Variants in CDC73 observed in about 807,000 individuals in gnomAD.
The protein encoded by CDC73 is cell division cycle 73.
Under a neutral mutation model 83.7 loss-of-function variants are expected in CDC73, and 21 were observed. The ratio of observed to expected loss-of-function variants is 0.25; its 90% CI spans 0.18 to 0.36. The LOEUF is 0.36. Among genes scored for constraint, CDC73 ranks in the 10% least tolerant of loss-of-function variants. The pLI is 1.00. For missense variants in CDC73, 342 were observed against 653.3 expected, an observed-to-expected ratio of 0.52 and a Z score of 5.19; for synonymous variants, 224 against 212.9, an observed-to-expected ratio of 1.05 and a Z score of -0.45.
chr1:193,188,185 G>A lies in CDC73; in HGVS notation c.973-15610G>A, dbSNP rs180698826. 1.5e-3 allele frequency among the ~76,000 whole-genome samples: 227 copies of A among 152,264 alleles called. 1 individual carries two copies. The highest frequency in any genetic ancestry group is 4.7e-3 in the African/African-American group (197 of 41,556). The stretch of plus-strand genomic sequence containing the variant: ...ATTGCGTGCTAAGCTTACTTGAGCT[G>A]TTATGCAAATGGCTCTTTTCTAATA... On this transcript the variant is annotated intron_variant, in intron 10 of 16. Coordinates refer to ENST00000367435, the MANE Select transcript of CDC73 (RefSeq NM_024529.5).
At chr1:193,129,453 A>G (rs1378685800) in intron 2 of CDC73, among the ~76,000 whole-genome samples, 1 of 149,600 alleles carries the variant, frequency 6.7e-6, no homozygotes, top group Admixed American at 6.7e-5. Context: ...TCTAATGATT[A>G]TTTTCTGTAT....
chr1:193,137,852 A>G (rs779861376), intron 5 of CDC73, among the ~76,000 whole-genome samples: 24 of 152,354 alleles, frequency 1.6e-4, no homozygotes, highest in Middle Eastern at 3.4e-3. Flanking sequence ...TAAAGAAAAA[A>G]GTAGCTAAGC....
chr1:193,133,058 C>T (rs1445849861), intron 3 of CDC73, among the ~76,000 whole-genome samples: 2 of 151,946 alleles, frequency 1.3e-5, no homozygotes, highest in Admixed American at 6.6e-5. Flanking sequence ...CCTGCCACCA[C>T]GCCTGGCTAA....
At chr1:193,149,117 TC>T (rs1009107475) in intron 8 of CDC73, among the ~76,000 whole-genome samples, 32 of 152,182 alleles carry the variant, frequency 2.1e-4, no homozygotes, top group African/African-American at 7.5e-4. Flanking sequence ...TTAAGTGCCT[TC>T]TATTAGGAAG....
intron 1 of CDC73, among the ~76,000 whole-genome samples, chr1:193,124,234 A>G (rs1297536664): frequency 6.6e-6 from 1 of 152,276 alleles, no homozygotes; most frequent in Non-Finnish European, 1.5e-5. Flanking sequence ...AAATATATAC[A>G]CATATAAAAC....
intron 3 of CDC73, among the ~76,000 whole-genome samples, chr1:193,132,472 A>G (rs1231858190): frequency 1.3e-5 from 2 of 152,130 alleles, no homozygotes; most frequent in African/African-American, 2.4e-5. Context: ...TGGGGAGGAT[A>G]GAAGAAACTT....
chr1:193,217,493 C>T (rs1257573791), intron 13 of CDC73, among the ~76,000 whole-genome samples: 1 of 152,078 alleles, frequency 6.6e-6, no homozygotes, highest in Non-Finnish European at 1.5e-5. Flanking sequence ...TGGCCAGACC[C>T]TGCGTCATTC....
chr1:193,196,702 T>A lies in CDC73; in HGVS notation c.973-7093T>A, dbSNP rs772203256. ...TTATTCCTAAGTATTTCATTCTTTT[T>A]AATGCTATTGTAAGTGGAATTGTTT... On this transcript the variant is annotated intron_variant, in intron 10 of 16. Transcript: ENST00000367435. 6.2e-4 allele frequency among the ~76,000 whole-genome samples: 95 copies of A among 152,338 alleles called. 1 individual carries two copies. Among genetic ancestry groups the A allele is most frequent in the Non-Finnish European group, 1.2e-3 (80 of 68,026 alleles).
At chr1:193,133,800 C>G (rs907743487) in intron 3 of CDC73, among the ~76,000 whole-genome samples, 1 of 152,020 alleles carries the variant, frequency 6.6e-6, no homozygotes, top group Non-Finnish European at 1.5e-5. Flanking sequence ...AGACCAAACA[C>G]TCTATGGATT....
intron 11 of CDC73, among the ~76,000 whole-genome samples, chr1:193,210,214 C>T (rs1236584931): frequency 2.6e-5 from 4 of 152,106 alleles, no homozygotes; most frequent in Non-Finnish European, 5.9e-5. Context: ...ACTACTGAAT[C>T]CTATGACAGT....
chr1:193,180,695 G>T (rs748304059), intron 10 of CDC73: 40 of 1,614,046 alleles, frequency 2.5e-5, no homozygotes, highest in Admixed American at 6.7e-5. Flanking sequence ...TCTTTGTTTC[G>T]ATTGGGTGCA....
At chr1:193,177,686 C>T (rs751479743) in intron 10 of CDC73, among the ~76,000 whole-genome samples, 1 of 152,144 alleles carries the variant, frequency 6.6e-6, no homozygotes, top group Non-Finnish European at 1.5e-5. Flanking sequence ...TGCTTTAACA[C>T]AGTACCAAGC....
chr1:193,236,181 A>G lies in CDC73; in HGVS notation c.1317-75A>G, dbSNP rs565209247. Reference sequence around the variant, plus strand: ...TATGGGACTGTTGCCTAAGGGATTTATAGTAGCTAAAGCTCAAGTTTGAAA... The same window carrying G: ...TATGGGACTGTTGCCTAAGGGATTTGTAGTAGCTAAAGCTCAAGTTTGAAA... On this transcript the variant is annotated intron_variant, in intron 14 of 16. Transcript: ENST00000367435. The G allele has an allele frequency of 3.8e-4, 333 of 876,186 alleles. 4 individuals carry two copies. In the South Asian group the frequency reaches 4.1e-3, roughly 11 times the overall value. The allele number at this position is 876,186 out of a possible 1,614,324, so 54.3% of individuals were successfully genotyped here.
At position 193,147,864 on chromosome 1, in the gene CDC73, T is replaced by C; in HGVS notation, c.730-3T>C. On this transcript the variant is annotated splice_region_variant and splice_polypyrimidine_tract_variant and intron_variant, in intron 7 of 16. Coordinates refer to ENST00000367435, the MANE Select transcript of CDC73 (RefSeq NM_024529.5). The stretch of plus-strand genomic sequence containing the variant: ...GCTTAATTAAAATCCATTTATATTT[T>C]AGAATTTTTCCAAGAACATTTTTGC... 6.5e-7 allele frequency: 1 copy of C among 1,546,770 alleles called. No homozygotes were observed. Among genetic ancestry groups the C allele is most frequent in the Non-Finnish European group, 8.9e-7 (1 of 1,122,286 alleles).
At chr1:193,212,269 GC>G (rs1677292525) in intron 12 of CDC73, 120 bp from the exon 13 acceptor site, 2 of 874,040 alleles carry the variant, frequency 2.3e-6, no homozygotes, top group African/African-American at 3.4e-5. Context: ...ATATCCACTG[GC>G]TTAAAATATT....
intron 9 of CDC73, among the ~76,000 whole-genome samples, chr1:193,151,878 G>A (rs1344179955): frequency 6.6e-6 from 1 of 152,142 alleles, no homozygotes; most frequent in Non-Finnish European, 1.5e-5. Flanking sequence ...AGAGGTTGCA[G>A]TGAACTGCAG....
At chr1:193,126,810 G>C (rs1473795746) in intron 2 of CDC73, among the ~76,000 whole-genome samples, 3 of 152,050 alleles carry the variant, frequency 2.0e-5, no homozygotes, top group Admixed American at 2.0e-4. Flanking sequence ...AAATATCACT[G>C]TGTCTGTCAT....
Position 193,204,316 on chromosome 1 carries a change from G to T in CDC73, c.1030+464G>T, listed in dbSNP as rs538269446. Among the ~76,000 whole-genome samples the T allele has an allele frequency of 1.8e-4, 26 of 147,126 alleles. No individual in the cohort carries two copies. The South Asian group carries it at 5.7e-3, about 32-fold the overall frequency. On this transcript the variant is annotated intron_variant, in intron 11 of 16. Transcript: ENST00000367435. ...TTTTTTTTTCTTTTTTTGAGACAGA[G>T]TCTTGCTCTGTCACCCAGGCTGGAG...
At chr1:193,124,964 C>T in intron 1 of CDC73, 148 bp from the exon 2 acceptor site, 2 of 653,314 alleles carry the variant, frequency 3.1e-6, no homozygotes, top group South Asian at 3.5e-5. Flanking sequence ...GTGATCATGA[C>T]AGTCTATTCA....
Sources: gnomAD v4.1 joint callset for allele counts (sites outside exome capture counted in the v4.1 genomes callset) on GRCh38, gnomAD v4.1.1 for gene constraint, MANE v1.5 for transcripts, NCBI Gene and HGNC (gene_info 2026-07-23, HGNC 2026-07-21) for gene names.